RPS6KA3: variants seen among roughly 807,000 people sequenced by gnomAD.
RPS6KA3 encodes ribosomal protein S6 kinase A3.
In RPS6KA3, 4 loss-of-function variants were observed where a neutral mutation model predicts 67.2. The ratio of observed to expected loss-of-function variants is 0.06; its 90% CI spans 0.03 to 0.14. The LOEUF (loss-of-function observed/expected upper bound fraction) is 0.14. RPS6KA3 is among the 10% of genes least tolerant of loss of function. The pLI is 1.00. For synonymous variants in RPS6KA3, 182 were observed against 183.7 expected, an observed-to-expected ratio of 0.99 and a Z score of 0.07; for missense variants, 204 against 559.0, an observed-to-expected ratio of 0.36 and a Z score of 6.40.
At chrX:20,194,309 T>A in intron 5 of RPS6KA3, 41 bp from the exon 6 acceptor site, 3 of 844,539 alleles carry the variant, frequency 3.6e-6, no homozygotes, top group Non-Finnish European at 5.3e-6. Context: ...TCCACCATAA[T>A]TTTTTTAGGT....
At chrX:20,239,665 C>T (rs1219648573) in intron 1 of RPS6KA3, among the ~76,000 whole-genome samples, 1 of 111,054 alleles carries the variant, frequency 9.0e-6, no homozygotes, top group Non-Finnish European at 1.9e-5. Context: ...ATTAGATAAC[C>T]TACAATATGG....
Position 20,249,131 on chromosome X carries a change from G to GT in RPS6KA3, c.70-14318dup, listed in dbSNP as rs768863479. ...TCCCTTGAGATTCATCCAAGCTGTT[G>GT]TGTGTATCGACAATTCATTCCTTTT... On this transcript the variant is annotated intron_variant, in intron 1 of 21. Coordinates refer to ENST00000379565, the MANE Select transcript of RPS6KA3 (RefSeq NM_004586.3). Among the ~76,000 whole-genome samples, 7 of 110,842 alleles carry GT rather than the reference G, an allele frequency of 6.3e-5. No homozygotes were observed. In the East Asian group the frequency reaches 2.0e-3, roughly 31 times the overall value.
intron 7 of RPS6KA3, among the ~76,000 whole-genome samples, chrX:20,190,242 A>G (rs1218945305): frequency 1.8e-5 from 2 of 111,905 alleles, no homozygotes; most frequent in African/African-American, 6.5e-5. Context: ...AATGGTTACT[A>G]ATTTTTAGTC....
chrX:20,246,122 GAA>G (rs5901672), intron 1 of RPS6KA3, among the ~76,000 whole-genome samples: 2,048 of 52,842 alleles, frequency 0.039, 71 homozygotes, highest in African/African-American at 0.11. Context: ...TCTCGGAAAA[GAA>G]AAAAAAAAAA....
At chrX:20,209,543 A>G (rs1478885023) in intron 2 of RPS6KA3, 139 bp from the exon 3 acceptor site, 2 of 453,725 alleles carry the variant, frequency 4.4e-6, no homozygotes, top group Non-Finnish European at 7.7e-6. Context: ...AGAAATCCCA[A>G]ATTAACATAC....
At chrX:20,174,974 G>C (rs1175007802) in intron 14 of RPS6KA3, among the ~76,000 whole-genome samples, 190 bp downstream of exon 14, 3 of 110,971 alleles carry the variant, frequency 2.7e-5, no homozygotes, top group Middle Eastern at 4.8e-3. Context: ...GGCTGGTCTT[G>C]AACTTCTGAC....
At chrX:20,218,810 C>T (rs1227291928) in intron 2 of RPS6KA3, 3 of 1,184,863 alleles carry the variant, frequency 2.5e-6, no homozygotes, top group South Asian at 1.8e-5. Flanking sequence ...CTGTATAGAG[C>T]GAACACGAAA....
intron 1 of RPS6KA3, among the ~76,000 whole-genome samples, chrX:20,242,675 A>C (rs961958525): frequency 8.9e-6 from 1 of 112,498 alleles, no homozygotes; most frequent in African/African-American, 3.2e-5. Context: ...TAAAGTTTAA[A>C]GTGTTTAATT....
intron 1 of RPS6KA3, among the ~76,000 whole-genome samples, chrX:20,248,904 C>G (rs896028281): frequency 9.0e-6 from 1 of 111,586 alleles, no homozygotes; most frequent in Admixed American, 9.5e-5. Flanking sequence ...ACGTGTGGGT[C>G]TCTATATCCA....
At chrX:20,189,417 C>T (rs2068068298) in intron 7 of RPS6KA3, among the ~76,000 whole-genome samples, 2 of 111,940 alleles carry the variant, frequency 1.8e-5, no homozygotes, top group East Asian at 5.6e-4. Context: ...AAATGGTGTA[C>T]ATTCATGGAG....
intron 4 of RPS6KA3, among the ~76,000 whole-genome samples, chrX:20,200,352 T>C (rs2148713425): frequency 8.9e-6 from 1 of 111,926 alleles, no homozygotes; most frequent in Admixed American, 9.4e-5. Context: ...GAGATGAAAG[T>C]CATTGTCTCT....
intron 2 of RPS6KA3, among the ~76,000 whole-genome samples, chrX:20,210,128 G>A (rs1569237553): frequency 8.9e-6 from 1 of 112,087 alleles, no homozygotes; most frequent in Non-Finnish European, 1.9e-5. Context: ...GATTTTAAAA[G>A]ACAGTGAACA....
rs1039523077 is a variant in RPS6KA3, at chrX:20,266,726, G to A, written c.-94C>T. 15 of 211,881 alleles carry A rather than the reference G, an allele frequency of 7.1e-5. No individual in the cohort carries two copies. Among genetic ancestry groups the A allele is most frequent in the East Asian group, 6.5e-4 (1 of 1,538 alleles). 17.5% of individuals were successfully genotyped at this position (211,881 alleles called of 1,213,427 possible). On this transcript the variant is annotated 5_prime_UTR_variant, in exon 1 of 22. Transcript: ENST00000379565. Reference sequence around the variant, plus strand: ...GTCGCCGCCCGAGCCCCACGGCAGCGGCGGCGGCGGCGGCGGCGGCGGCAG... The same window carrying A: ...GTCGCCGCCCGAGCCCCACGGCAGCAGCGGCGGCGGCGGCGGCGGCGGCAG...
intron 10 of RPS6KA3, 61 bp downstream of exon 10, chrX:20,186,235 C>T (rs989578831): frequency 3.7e-6 from 3 of 817,317 alleles, no homozygotes; most frequent in Admixed American, 4.4e-5. Context: ...AGCCACAGCG[C>T]CCAGCCTGAA....
In RPS6KA3 at chrX:20,163,020, A is replaced by G; in HGVS notation, c.1785T>C (p.Tyr595=). 8.4e-7 allele frequency: 1 copy of G among 1,195,785 alleles called. No homozygotes were observed. Among genetic ancestry groups the G allele is most frequent in the Non-Finnish European group, 1.1e-6 (1 of 880,960 alleles). The change falls in exon 19 of 22, where the codon TAT becomes TAC. Residue 595 remains tyrosine (Y), a synonymous_variant. Transcript: ENST00000379565. The part of the protein sequence containing the change: ...VAPEVLKRQG[Y]DAACDIWSLG... The stretch of plus-strand genomic sequence containing the variant: ...GACTCCATATATCACAAGCAGCATC[A>G]TAGCCTTGTCTTTTTAAAACCTAGA...
intron 20 of RPS6KA3, among the ~76,000 whole-genome samples, chrX:20,160,451 C>T (rs1428849041): frequency 9.0e-6 from 1 of 111,196 alleles, no homozygotes; most frequent in East Asian, 2.8e-4. Context: ...TTTTTTGAGA[C>T]AGTCTTGCTC....
At chrX:20,230,940 C>T (rs1296088015) in intron 2 of RPS6KA3, among the ~76,000 whole-genome samples, 1 of 111,278 alleles carries the variant, frequency 9.0e-6, no homozygotes, top group Non-Finnish European at 1.9e-5. Context: ...AACAAATGCA[C>T]AAGAACTGTA....
chrX:20,189,438 T>C (rs1053320829), intron 7 of RPS6KA3, among the ~76,000 whole-genome samples: 1 of 111,741 alleles, frequency 8.9e-6, no homozygotes, highest in Non-Finnish European at 1.9e-5. Flanking sequence ...GGTAGAGAAA[T>C]TTACAGAGAA....
rs1383725722 is a variant in RPS6KA3 at position 20,232,968 on chromosome X, C to G, written c.126+1790G>C. Among the ~76,000 whole-genome samples, 8 of 110,789 alleles carry G rather than the reference C, an allele frequency of 7.2e-5. No individual in the cohort carries two copies. The East Asian group carries it at 2.0e-3, about 28-fold the overall frequency. ...TGGCCAACATTGTGCAACCCCATCT[C>G]TACTAAAATTGCAAAAAATCAGTCA... On this transcript the variant is annotated intron_variant, in intron 2 of 21. Transcript: ENST00000379565.
Sources: gnomAD v4.1 joint callset for allele counts (sites outside exome capture counted in the v4.1 genomes callset) on GRCh38, gnomAD v4.1.1 for gene constraint, MANE v1.5 for transcripts, NCBI Gene and HGNC (gene_info 2026-07-23, HGNC 2026-07-21) for gene names.